The following MYO3B variants were observed in gnomAD, a reference collection of about 807,000 sequenced individuals.
MYO3B encodes myosin-IIIb.
In MYO3B, 156 loss-of-function variants were observed where a neutral mutation model predicts 174.6. That is an observed-to-expected ratio of 0.89 (90% CI 0.78 to 1.02). The LOEUF (loss-of-function observed/expected upper bound fraction) is 1.02, where lower values mean the gene tolerates loss of function less well. MYO3B is among the 50% of genes least tolerant of loss of function. The probability of loss-of-function intolerance (pLI) is 0.00; values close to 1 mark genes in which losing one functional copy is unlikely to be tolerated. For missense variants in MYO3B, 1,632 were observed against 1,639.4 expected (o/e 1.00, Z 0.08); for synonymous variants, 563 against 569.1 (o/e 0.99, Z 0.15).
At chr2:170,339,522 G>T (rs73016963) in intron 8 of MYO3B, among the ~76,000 whole-genome samples, 4,848 of 152,274 alleles carry the variant, frequency 0.032, 114 homozygotes, top group African/African-American at 0.058. Context: ...AGGGCACAGT[G>T]GGGTGTGTGT....
intron 22 of MYO3B, among the ~76,000 whole-genome samples, chr2:170,438,260 C>T (rs1574978335): frequency 6.6e-6 from 1 of 151,910 alleles, no homozygotes; most frequent in Non-Finnish European, 1.5e-5. Flanking sequence ...GGCAGGATTT[C>T]CTTGTTTTTT....
At chr2:170,408,760 G>GAAAAAA (rs10668466) in intron 22 of MYO3B, among the ~76,000 whole-genome samples, 2,497 of 144,552 alleles carry the variant, frequency 0.017, 48 homozygotes, top group Middle Eastern at 0.054. Flanking sequence ...GCCTGGCTAA[G>GAAAAAA]AAAAAAAAAA....
At chr2:170,399,763 G>A (rs975136967) in intron 16 of MYO3B, among the ~76,000 whole-genome samples, 5 of 152,288 alleles carry the variant, frequency 3.3e-5, no homozygotes, top group Admixed American at 2.0e-4. Flanking sequence ...GTAAAAGGCT[G>A]AAAGTGGCTT....
Position 170,381,894 on chromosome 2 carries a change from C to T in MYO3B, c.972-122C>T, listed in dbSNP as rs2094338196. 4.0e-6 allele frequency: 3 copies of T among 747,730 alleles called. No homozygotes were observed. The Admixed American group carries it at 6.6e-5, about 16-fold the overall frequency. 46.3% of individuals were successfully genotyped at this position (747,730 alleles called of 1,614,324 possible). A position where few individuals can be genotyped will look rare whatever the true frequency, so the allele number is the denominator to read the frequency against. ...TGGGGACCTGGACTGGACTTCCTGTCCCTGTCTCTGAAGTCTCTGAACATA... is the reference window on the plus strand; with the variant it reads ...TGGGGACCTGGACTGGACTTCCTGTTCCTGTCTCTGAAGTCTCTGAACATA... On this transcript the variant is annotated intron_variant, in intron 9 of 34. Coordinates refer to ENST00000408978, the MANE Select transcript of MYO3B (RefSeq NM_138995.5).
chr2:170,598,471 A>G (rs1004604134), intron 32 of MYO3B, among the ~76,000 whole-genome samples: 1 of 152,232 alleles, frequency 6.6e-6, no homozygotes, highest in African/African-American at 2.4e-5. Flanking sequence ...TTTTGTGTGC[A>G]ACTTTTCCTT....
chr2:170,591,965 C>T (rs907074356), intron 32 of MYO3B, among the ~76,000 whole-genome samples: 1 of 152,220 alleles, frequency 6.6e-6, no homozygotes, highest in Non-Finnish European at 1.5e-5. Context: ...CATTATTAAA[C>T]ACGTACTCCA....
At chr2:170,291,933 G>A (rs897343198) in intron 7 of MYO3B, among the ~76,000 whole-genome samples, 3 of 151,862 alleles carry the variant, frequency 2.0e-5, no homozygotes, top group Non-Finnish European at 4.4e-5. Flanking sequence ...GAATCTGTTT[G>A]GTGTTCTTTG....
chr2:170,313,899 G>C (rs921660222), intron 7 of MYO3B, among the ~76,000 whole-genome samples: 2 of 152,076 alleles, frequency 1.3e-5, no homozygotes, highest in East Asian at 3.9e-4. Context: ...GCAAGGAGAA[G>C]GGAGCCAGAG....
At chr2:170,268,805 T>C (rs2093403571) in intron 7 of MYO3B, among the ~76,000 whole-genome samples, 1 of 151,676 alleles carries the variant, frequency 6.6e-6, no homozygotes, top group Non-Finnish European at 1.5e-5. Flanking sequence ...CTTCTTCAAA[T>C]AAGAAAAAGA....
intron 32 of MYO3B, among the ~76,000 whole-genome samples, chr2:170,632,828 A>T (rs572262986): frequency 1.8e-4 from 23 of 127,010 alleles, no homozygotes; most frequent in African/African-American, 5.6e-4. Flanking sequence ...CAGAAATACA[A>T]ACTACCATCA....
chr2:170,255,038 C>CA (rs1285831383), intron 7 of MYO3B, among the ~76,000 whole-genome samples: 3 of 152,226 alleles, frequency 2.0e-5, no homozygotes, highest in East Asian at 3.8e-4. Context: ...ACAGGTGCCA[C>CA]ACCAGCTGCA....
At chr2:170,251,175 T>C (rs1334056168) in intron 7 of MYO3B, among the ~76,000 whole-genome samples, 1 of 152,118 alleles carries the variant, frequency 6.6e-6, no homozygotes, top group Non-Finnish European at 1.5e-5. Flanking sequence ...CTTCACGATT[T>C]ACATTTACTG....
rs192713157 is a variant in MYO3B at position 170,448,122 on chromosome 2, T to C, written c.2730+4076T>C. Among the ~76,000 whole-genome samples, 26 of 152,338 alleles carry C rather than the reference T, an allele frequency of 1.7e-4. No homozygotes were observed. In the East Asian group the frequency reaches 4.8e-3, roughly 28 times the overall value. On this transcript the variant is annotated intron_variant, in intron 23 of 34. Coordinates refer to ENST00000408978, the MANE Select transcript of MYO3B (RefSeq NM_138995.5). ...AATTTCTAATCTTGTGGCTAATTTG[T>C]TAGTCTTGCAAAGGCAGTCTAGTCC... is the stretch of plus-strand genomic sequence containing the variant.
At chr2:170,323,730 C>G (rs1032754743) in intron 7 of MYO3B, among the ~76,000 whole-genome samples, 1 of 152,182 alleles carries the variant, frequency 6.6e-6, no homozygotes, top group African/African-American at 2.4e-5. Flanking sequence ...TAGCACAGTG[C>G]TTTCACATAG....
chr2:170,540,184 G>A (rs1689991803), intron 30 of MYO3B, among the ~76,000 whole-genome samples: 1 of 151,990 alleles, frequency 6.6e-6, no homozygotes, highest in Non-Finnish European at 1.5e-5. Context: ...AGCCAGGTGT[G>A]GTGGTAGCAC....
Position 170,466,552 on chromosome 2 carries a change from A to C in MYO3B, c.2855A>C (p.His952Pro). 2 of 1,614,142 alleles carry C rather than the reference A, an allele frequency of 1.2e-6. No individual in the cohort carries two copies. Among genetic ancestry groups the C allele is most frequent in the South Asian group, 2.2e-5 (2 of 91,080 alleles). Residue 952 changes from histidine (H) to proline (P), a missense_variant, in exon 25 of 35, where the codon CAC becomes CCC. By Grantham distance (77) the His-to-Pro change is moderately conservative. Transcript: ENST00000408978. Reference protein sequence around the residue: ...LLSKMVVGQPHFVRCIKPNDD... With the variant: ...LLSKMVVGQPPFVRCIKPNDD... ...TCCAAAATGGTGGTTGGACAGCCCC[A>C]CTTTGTGCGCTGCATTAAACCCAAT... is the stretch of plus-strand genomic sequence containing the variant.
chr2:170,294,790 T>C (rs535277047), intron 7 of MYO3B, among the ~76,000 whole-genome samples: 1 of 152,256 alleles, frequency 6.6e-6, no homozygotes, highest in East Asian at 1.9e-4. Context: ...AACTATGGAC[T>C]TTGAGTGATA....
intron 32 of MYO3B, among the ~76,000 whole-genome samples, chr2:170,599,272 C>A (rs1420630813): frequency 1.3e-5 from 2 of 152,158 alleles, no homozygotes; most frequent in Non-Finnish European, 2.9e-5. Flanking sequence ...TGACAATACT[C>A]CAGGCAGTTA....
intron 32 of MYO3B, among the ~76,000 whole-genome samples, chr2:170,649,127 TA>T (rs1698700739): frequency 1.1e-4 from 6 of 55,060 alleles, no homozygotes; most frequent in Admixed American, 3.1e-4. Context: ...ATATAATGTA[TA>T]TAAAATAATA....
Sources: allele counts gnomAD v4.1 joint callset (sites outside exome capture counted in the v4.1 genomes callset), GRCh38; gene constraint gnomAD v4.1.1; transcripts MANE v1.5; gene names NCBI Gene and HGNC (gene_info 2026-07-23, HGNC 2026-07-21).